The following CNTN1 variants were observed in gnomAD, a reference collection of about 807,000 sequenced individuals.
CNTN1 encodes the protein contactin-1.
CNTN1 carries 38 observed loss-of-function variants against 126.4 expected under a neutral mutation model. The ratio of observed to expected loss-of-function variants is 0.30; its 90% confidence interval spans 0.23 to 0.39. The LOEUF (loss-of-function observed/expected upper bound fraction) is 0.39. CNTN1 is among the 10% of genes least tolerant of loss of function. CNTN1 has a pLI of 1.00. For synonymous variants in CNTN1, 413 were observed against 422.6 expected, an observed-to-expected ratio of 0.98 and a Z score of 0.28; for missense variants, 1,009 against 1,248.4, an observed-to-expected ratio of 0.81 and a Z score of 2.89.
At chr12:40,760,361 A>G (rs1157590736) in intron 1 of CNTN1, among the ~76,000 whole-genome samples, 1 of 152,196 alleles carries the variant, frequency 6.6e-6, no homozygotes, top group East Asian at 1.9e-4. Context: ...TTATATCACA[A>G]ATTTATATCA....
chr12:40,847,647 C>T (rs141081661), intron 1 of CNTN1, among the ~76,000 whole-genome samples: 10 of 152,260 alleles, frequency 6.6e-5, no homozygotes, highest in African/African-American at 2.2e-4. Context: ...GTTTAGAAAG[C>T]AGTGGATTTA....
At position 41,071,148 on chromosome 12, in the gene CNTN1, G is replaced by C. The variant is rs1023959906; in HGVS notation, c.*1113G>C. The C allele has an allele frequency of 6.6e-6, 1 of 151,988 alleles. No homozygotes were observed. The highest frequency in any genetic ancestry group is 1.5e-5 in the Non-Finnish European group (1 of 67,974). The allele number at this position is 151,988 out of a possible 1,614,324, so 9.4% of individuals were successfully genotyped here. ...CCACTTCAATGCAATACTGAAAACT[G>C]GCTAAAAATACCAAATCAATATACT... is the stretch of plus-strand genomic sequence containing the variant. On this transcript the variant is annotated 3_prime_UTR_variant, in exon 24 of 24. Coordinates refer to ENST00000551295, the MANE Select transcript of CNTN1 (RefSeq NM_001843.4).
intron 1 of CNTN1, among the ~76,000 whole-genome samples, chr12:40,785,388 G>A (rs1268564032): frequency 6.6e-6 from 1 of 152,112 alleles, no homozygotes; most frequent in Non-Finnish European, 1.5e-5. Context: ...AAGGGGGTGA[G>A]AGAGAAGGGG....
At chr12:40,745,114 C>T (rs547194472) in intron 1 of CNTN1, among the ~76,000 whole-genome samples, 1 of 152,206 alleles carries the variant, frequency 6.6e-6, no homozygotes, top group East Asian at 1.9e-4. Context: ...TGACTATTTC[C>T]CAACTGGGAG....
intron 1 of CNTN1, among the ~76,000 whole-genome samples, chr12:40,793,354 C>CT (rs907614419): frequency 1.2e-4 from 19 of 152,002 alleles, no homozygotes; most frequent in African/African-American, 4.6e-4. Context: ...AATTTGTATG[C>CT]TTTTTTCCCC....
intron 17 of CNTN1, among the ~76,000 whole-genome samples, chr12:41,012,448 G>A (rs1223889537): frequency 1.3e-5 from 2 of 152,182 alleles, no homozygotes; most frequent in Admixed American, 6.5e-5. Context: ...AAGAAATTAT[G>A]ATAGGAAAGT....
chr12:40,954,074 G>C (rs1001136172), intron 14 of CNTN1, among the ~76,000 whole-genome samples: 3 of 152,072 alleles, frequency 2.0e-5, no homozygotes, highest in African/African-American at 7.2e-5. Context: ...CATTGAAATA[G>C]TGGGAGTTTA....
At chr12:40,933,138 A>T in intron 7 of CNTN1, among the ~76,000 whole-genome samples, 1 of 149,202 alleles carries the variant, frequency 6.7e-6, no homozygotes, top group South Asian at 2.2e-4. Flanking sequence ...TTCTTTCTCC[A>T]CCTTCCTGAG....
At chr12:40,939,543 A>G in intron 12 of CNTN1, 58 bp downstream of exon 12, 1 of 1,581,144 alleles carries the variant, frequency 6.3e-7, no homozygotes, top group Non-Finnish European at 8.6e-7. Flanking sequence ...TTTATTTTAT[A>G]GAAGACTTGT....
intron 1 of CNTN1, among the ~76,000 whole-genome samples, chr12:40,891,498 A>T (rs1944237012): frequency 6.6e-6 from 1 of 152,128 alleles, no homozygotes; most frequent in South Asian, 2.1e-4. Flanking sequence ...GTTACCTTGT[A>T]GGAGTTTTAT....
chr12:40,976,484 A>G (rs1947676287), intron 15 of CNTN1, among the ~76,000 whole-genome samples: 1 of 151,626 alleles, frequency 6.6e-6, no homozygotes, highest in Non-Finnish European at 1.5e-5. Context: ...ATTTGCTTAC[A>G]TTTTCCCTGG....
chr12:41,044,531 G>A (rs1409333757), intron 23 of CNTN1, among the ~76,000 whole-genome samples: 1 of 152,016 alleles, frequency 6.6e-6, no homozygotes, highest in Non-Finnish European at 1.5e-5. Flanking sequence ...TTATATTTTA[G>A]ATTAGTTATT....
chr12:40,838,903 C>A (rs1942174684), intron 1 of CNTN1, among the ~76,000 whole-genome samples: 1 of 152,136 alleles, frequency 6.6e-6, no homozygotes, highest in Non-Finnish European at 1.5e-5. Context: ...CACTGTAATT[C>A]TCTAGTAATA....
intron 1 of CNTN1, among the ~76,000 whole-genome samples, chr12:40,854,269 T>A (rs538904665): frequency 6.6e-6 from 1 of 152,010 alleles, no homozygotes; most frequent in Non-Finnish European, 1.5e-5. Context: ...TAGAATTTCC[T>A]CATGGGATAA....
intron 1 of CNTN1, among the ~76,000 whole-genome samples, chr12:40,698,291 A>G (rs983333019): frequency 5.6e-5 from 7 of 125,364 alleles, no homozygotes; most frequent in African/African-American, 1.9e-4. Flanking sequence ...GCTGGAGTGC[A>G]GTGGCGTGAT....
intron 1 of CNTN1, among the ~76,000 whole-genome samples, chr12:40,823,880 AT>A (rs1159453972): frequency 6.6e-6 from 1 of 152,104 alleles, no homozygotes; most frequent in African/African-American, 2.4e-5. Context: ...ATCTCACCAT[AT>A]TCTTGTAATA....
At chr12:40,715,702 T>C (rs963371070) in intron 1 of CNTN1, among the ~76,000 whole-genome samples, 3 of 152,182 alleles carry the variant, frequency 2.0e-5, no homozygotes, top group African/African-American at 4.8e-5. Context: ...AAATCTCTTA[T>C]AATTTAGCAG....
chr12:40,914,769 A>T (rs1945170218), intron 3 of CNTN1, among the ~76,000 whole-genome samples: 1 of 152,162 alleles, frequency 6.6e-6, no homozygotes. Flanking sequence ...GTATTGGGAA[A>T]TATATACATA....
At chr12:40,693,740 G>A (rs1294038360) in intron 1 of CNTN1, among the ~76,000 whole-genome samples, 1 of 152,172 alleles carries the variant, frequency 6.6e-6, no homozygotes, top group East Asian at 1.9e-4. Flanking sequence ...TGCTGAGCCG[G>A]CTGCCTTGGC....
Sources: allele counts gnomAD v4.1 joint callset (sites outside exome capture counted in the v4.1 genomes callset), GRCh38; gene constraint gnomAD v4.1.1; transcripts MANE v1.5; gene names NCBI Gene and HGNC (gene_info 2026-07-23, HGNC 2026-07-21).